Variants in AGBL1 observed in about 807,000 individuals in gnomAD.
The protein encoded by AGBL1 is cytosolic carboxypeptidase 4.
Under a neutral mutation model 118.9 loss-of-function variants are expected in AGBL1, and 130 were observed. The ratio of observed to expected loss-of-function variants is 1.09; its 90% CI spans 0.95 to 1.26. AGBL1 has a LOEUF of 1.26. AGBL1 is among the 50% of genes most tolerant of loss of function. AGBL1 has a pLI of 0.00. For synonymous variants in AGBL1, 555 were observed against 478.9 expected, an observed-to-expected ratio of 1.16 and a Z score of -2.08; for missense variants, 1,584 against 1,298.1, an observed-to-expected ratio of 1.22 and a Z score of -3.38.
intron 17 of AGBL1, among the ~76,000 whole-genome samples, chr15:86,380,760 C>A (rs2081103763): frequency 6.6e-6 from 1 of 152,214 alleles, no homozygotes; most frequent in Non-Finnish European, 1.5e-5. Context: ...CTCCAACTTT[C>A]AAATTGTGTC....
intron 20 of AGBL1, among the ~76,000 whole-genome samples, chr15:86,548,676 C>T (rs1271155977): frequency 6.6e-6 from 1 of 150,380 alleles, no homozygotes; most frequent in Non-Finnish European, 1.5e-5. Context: ...CACACACACA[C>T]ACACACACAC....
chr15:86,851,677 A>T (rs1390471811), intron 22 of AGBL1, among the ~76,000 whole-genome samples: 1 of 152,198 alleles, frequency 6.6e-6, no homozygotes, highest in Non-Finnish European at 1.5e-5. Context: ...ATAAATAAAG[A>T]ATCTGGGCCT....
chr15:86,592,569 C>T lies in AGBL1; in HGVS notation c.2994+38032C>T, dbSNP rs115391971. On this transcript the variant is annotated intron_variant, in intron 21 of 22. Coordinates refer to ENST00000614907, the MANE Select transcript of AGBL1 (RefSeq NM_001386094.1). ...TGGCCTGCCAGCACTTGGGAGGGGC[C>T]GTGTGTGCAGTGTGTTTACTGAAGT... 8.2e-3 allele frequency among the ~76,000 whole-genome samples: 1,246 copies of T among 152,228 alleles called. 15 individuals carry two copies. The highest frequency in any genetic ancestry group is 0.028 in the South Asian group (137 of 4,820).
chr15:86,149,017 C>T (rs938616894), intron 3 of AGBL1, among the ~76,000 whole-genome samples: 5 of 152,150 alleles, frequency 3.3e-5, no homozygotes, highest in Non-Finnish European at 7.3e-5. Context: ...ATTTCATACC[C>T]AGCCAAACTA....
intron 5 of AGBL1, among the ~76,000 whole-genome samples, chr15:86,199,197 T>A (rs2077865189): frequency 6.6e-6 from 1 of 152,144 alleles, no homozygotes; most frequent in Non-Finnish European, 1.5e-5. Context: ...TCTCATTCTT[T>A]ATAAAGGTTA....
At chr15:86,126,167 A>G (rs1027418316) in intron 1 of AGBL1, among the ~76,000 whole-genome samples, 2 of 151,564 alleles carry the variant, frequency 1.3e-5, no homozygotes, top group Non-Finnish European at 2.9e-5. Context: ...TACCCTCTTA[A>G]CTAATTAATT....
At chr15:86,390,808 T>C (rs1357383427) in intron 17 of AGBL1, among the ~76,000 whole-genome samples, 5 of 151,764 alleles carry the variant, frequency 3.3e-5, no homozygotes, top group Non-Finnish European at 5.9e-5. Flanking sequence ...GAGCTGGGAT[T>C]ACAGGCGCCT....
chr15:86,558,361 G>A (rs1168813461), intron 21 of AGBL1, among the ~76,000 whole-genome samples: 1 of 152,076 alleles, frequency 6.6e-6, no homozygotes, highest in East Asian at 1.9e-4. Context: ...TGATCTGTGG[G>A]AAAACAAAAG....
intron 22 of AGBL1, among the ~76,000 whole-genome samples, chr15:86,850,166 C>G (rs2079386057): frequency 6.6e-6 from 1 of 152,114 alleles, no homozygotes; most frequent in Non-Finnish European, 1.5e-5. Flanking sequence ...TTTAGTGGAG[C>G]TGAAATGTAC....
intron 23 of AGBL1, among the ~76,000 whole-genome samples, chr15:86,979,341 T>C (rs1336219024): frequency 2.0e-5 from 3 of 152,204 alleles, no homozygotes; most frequent in Non-Finnish European, 2.9e-5. Flanking sequence ...ACAATTATAA[T>C]GCACATTTGT....
chr15:86,495,943 C>A (rs763153857), intron 18 of AGBL1, among the ~76,000 whole-genome samples: 8 of 151,448 alleles, frequency 5.3e-5, no homozygotes, highest in Non-Finnish European at 1.0e-4. Flanking sequence ...CATGTTTTTG[C>A]CCTCAATTCT....
chr15:86,115,745 G>A (rs1195387158), intron 1 of AGBL1, among the ~76,000 whole-genome samples: 1 of 152,014 alleles, frequency 6.6e-6, no homozygotes, highest in South Asian at 2.1e-4. Flanking sequence ...TACTTTCCTA[G>A]GGCATCTTCC....
rs148786339 is a variant in AGBL1 at position 86,269,703 on chromosome 15, G to T, written c.1839-216G>T. On this transcript the variant is annotated intron_variant, in intron 13 of 22. Transcript: ENST00000614907. ...TAAAAATATGCGCTATTGTGTAATT[G>T]ACTCTTGTAATACTAGGAAGCCCCC... Among the ~76,000 whole-genome samples, 968 of 152,220 alleles carry T rather than the reference G, an allele frequency of 6.4e-3. 14 individuals are homozygous for T. The highest frequency in any genetic ancestry group is 0.022 in the African/African-American group (929 of 41,536).
intron 17 of AGBL1, among the ~76,000 whole-genome samples, chr15:86,372,468 G>A (rs1047589766): frequency 1.3e-5 from 2 of 151,390 alleles, no homozygotes; most frequent in Non-Finnish European, 2.9e-5. Context: ...TCCTCCCTTG[G>A]TGTCTTTTAT....
At chr15:86,225,218 C>T (rs891420892) in intron 6 of AGBL1, among the ~76,000 whole-genome samples, 1 of 151,792 alleles carries the variant, frequency 6.6e-6, no homozygotes, top group South Asian at 2.1e-4. Context: ...AGACAATGGA[C>T]CCTAAAGGGG....
At chr15:86,984,644 G>A (rs2117079) in intron 23 of AGBL1, among the ~76,000 whole-genome samples, 5,195 of 152,108 alleles carry the variant, frequency 0.034, 127 homozygotes, top group Middle Eastern at 0.068. Flanking sequence ...GGTTACAGGC[G>A]TGAGCCACCA....
At chr15:86,741,978 T>A (rs2077686228) in intron 22 of AGBL1, among the ~76,000 whole-genome samples, 1 of 88,386 alleles carries the variant, frequency 1.1e-5, no homozygotes, top group African/African-American at 6.3e-5. Flanking sequence ...TCCACTGGAG[T>A]TTTTTTTTTT....
downstream of AGBL1, among the ~76,000 whole-genome samples, chr15:86,917,784 GA>G (rs927769661): frequency 3.9e-5 from 3 of 77,206 alleles, no homozygotes; most frequent in Non-Finnish European, 8.1e-5. The surrounding 1 kb of genome is among the most constrained non-coding windows in gnomAD (Gnocchi z 4.8). Context: ...GAGAAGGAGA[GA>G]GAGAGAAGAG....
chr15:86,481,733 C>G (rs1362349919), intron 18 of AGBL1, among the ~76,000 whole-genome samples: 2 of 152,070 alleles, frequency 1.3e-5, no homozygotes, highest in Non-Finnish European at 2.9e-5. Flanking sequence ...CTGTTTTGCA[C>G]TTTATTTTCT....
Sources: gnomAD v4.1 joint callset for allele counts (sites outside exome capture counted in the v4.1 genomes callset) on GRCh38, gnomAD v4.1.1 for gene constraint, Gnocchi (gnomAD v3.1) non-coding constraint, MANE v1.5 for transcripts, NCBI Gene and HGNC (gene_info 2026-07-23, HGNC 2026-07-21) for gene names.